PAPPA2: variants seen among roughly 807,000 people sequenced by gnomAD.
The protein encoded by PAPPA2 is pappalysin-2.
In PAPPA2, 86 loss-of-function variants were observed where a neutral mutation model predicts 176.4. That is an observed-to-expected ratio of 0.49 (90% CI 0.41 to 0.58). PAPPA2 has a LOEUF of 0.58. Among genes scored for constraint, PAPPA2 ranks in the 20% least tolerant of loss-of-function variants. PAPPA2 has a pLI of 0.00. For missense variants in PAPPA2, 2,073 were observed against 2,256.9 expected, an observed-to-expected ratio of 0.92 and a Z score of 1.65; for synonymous variants, 809 against 852.2, an observed-to-expected ratio of 0.95 and a Z score of 0.88.
chr1:176,600,503 C>A (rs974681921), intron 3 of PAPPA2, among the ~76,000 whole-genome samples: 1 of 151,344 alleles, frequency 6.6e-6, no homozygotes, highest in Admixed American at 6.6e-5. Flanking sequence ...GGTGAAACCC[C>A]GTCTCTACTA....
chr1:176,769,910 G>A lies in PAPPA2; in HGVS notation c.4501+126G>A, dbSNP rs868754665. Reference sequence around the variant, plus strand: ...TTGCTCCACTGTGTCACCATCTTCTGATAACTCCAGAAAAGTCCCAAAAGG... The same window carrying A: ...TTGCTCCACTGTGTCACCATCTTCTAATAACTCCAGAAAAGTCCCAAAAGG... On this transcript the variant is annotated intron_variant, in intron 16 of 22. Transcript: ENST00000367662. 7.1e-5 allele frequency: 76 copies of A among 1,065,370 alleles called. No individual in the cohort carries two copies. In the African/African-American group the frequency reaches 1.2e-3, roughly 16 times the overall value. 66.0% of individuals were successfully genotyped at this position (1,065,370 alleles called of 1,614,324 possible).
At position 176,690,128 on chromosome 1, in the gene PAPPA2, TC is replaced by T; in HGVS notation, c.2138-8del. On this transcript the variant is annotated splice_polypyrimidine_tract_variant and splice_region_variant and intron_variant, in intron 4 of 22. Coordinates refer to ENST00000367662, the MANE Select transcript of PAPPA2 (RefSeq NM_020318.3). ...TGCTCTGAAAGGCTTTTCAAAACTT[TC>T]ATTGCAGGTGGCATTGTCCTCAGCC... is the stretch of plus-strand genomic sequence containing the variant. 1 of 1,588,526 alleles carries T rather than the reference TC, an allele frequency of 6.3e-7. No homozygotes were observed. The highest frequency in any genetic ancestry group is 8.6e-7 in the Non-Finnish European group (1 of 1,161,908).
At chr1:176,507,468 C>A (rs981537470) in intron 1 of PAPPA2, among the ~76,000 whole-genome samples, 6 of 152,048 alleles carry the variant, frequency 3.9e-5, no homozygotes, top group African/African-American at 1.4e-4. Flanking sequence ...ATCATTATAC[C>A]AAAAAGACAC....
At chr1:176,779,519 CAGAGAG>C (rs565823413) in intron 17 of PAPPA2, among the ~76,000 whole-genome samples, 1 of 102,536 alleles carries the variant, frequency 9.8e-6, no homozygotes, top group African/African-American at 3.4e-5. Flanking sequence ...CACACACACA[CAGAGAG>C]AGAGAGAGAG....
chr1:176,538,557 C>T (rs1229011971), intron 1 of PAPPA2, among the ~76,000 whole-genome samples: 5 of 152,202 alleles, frequency 3.3e-5, no homozygotes, highest in South Asian at 2.1e-4. Context: ...AACAAGGTCT[C>T]ATGATTGCTT....
chr1:176,825,237 C>A (rs1666811738), intron 21 of PAPPA2, among the ~76,000 whole-genome samples: 1 of 152,146 alleles, frequency 6.6e-6, no homozygotes, highest in East Asian at 1.9e-4. Context: ...ATACTTACTT[C>A]ACCCAGGCAG....
intron 1 of PAPPA2, among the ~76,000 whole-genome samples, chr1:176,502,603 A>G (rs928667274): frequency 2.0e-5 from 3 of 152,208 alleles, no homozygotes; most frequent in Non-Finnish European, 2.9e-5. Flanking sequence ...AACAATCACT[A>G]GGTATGTTTC....
At position 176,699,224 on chromosome 1, in the gene PAPPA2, C is replaced by A; in HGVS notation, c.2871C>A (p.Phe957Leu). ...PTEGCSLELL[F>L]QHPVQADTLT... is the part of the protein sequence containing the mutation. ...AAGGCTGTAGCTTGGAGCTGCTCTT[C>A]CAACACCCGGTCCAAGCCGACACCC... Residue 957 changes from phenylalanine (F) to leucine (L), a missense_variant, in exon 8 of 23, where the codon TTC (phenylalanine) becomes TTA (leucine). Physicochemically the swap from Phe to Leu is conservative, Grantham distance 22. This residue lies in a region of PAPPA2 where 1,196 missense variants were observed against 1,330.4 expected (regional missense o/e 0.90). Coordinates refer to ENST00000367662, the MANE Select transcript of PAPPA2 (RefSeq NM_020318.3). The A allele has an allele frequency of 6.2e-7, 1 of 1,614,156 alleles. No individual in the cohort carries two copies. Among genetic ancestry groups the A allele is most frequent in the Non-Finnish European group, 8.5e-7 (1 of 1,180,018 alleles).
intron 21 of PAPPA2, among the ~76,000 whole-genome samples, chr1:176,828,987 C>T (rs1011211147): frequency 2.0e-5 from 3 of 151,450 alleles, no homozygotes; most frequent in Non-Finnish European, 2.9e-5. Context: ...TGGGCAACAA[C>T]GCAAGACTCC....
intron 3 of PAPPA2, among the ~76,000 whole-genome samples, chr1:176,655,844 T>C (rs1008705078): frequency 3.3e-5 from 5 of 151,824 alleles, no homozygotes; most frequent in East Asian, 2.0e-4. Context: ...AATAAAGAAA[T>C]AAAAAGTAAA....
chr1:176,755,322 G>A (rs1471310291), intron 14 of PAPPA2, among the ~76,000 whole-genome samples: 1 of 152,172 alleles, frequency 6.6e-6, no homozygotes, highest in African/African-American at 2.4e-5. Context: ...GAGCTGGATT[G>A]TAAATCCTTA....
chr1:176,502,235 G>A (rs146260514), intron 1 of PAPPA2, among the ~76,000 whole-genome samples: 6 of 152,174 alleles, frequency 3.9e-5, no homozygotes, highest in Non-Finnish European at 7.3e-5. Flanking sequence ...GAATGAGGTG[G>A]TGATGCCCCA....
intron 21 of PAPPA2, among the ~76,000 whole-genome samples, chr1:176,816,258 T>C (rs1002805038): frequency 8.4e-5 from 12 of 142,430 alleles, no homozygotes; most frequent in African/African-American, 2.5e-4. Flanking sequence ...TATATATATG[T>C]ATGTATGTAC....
At chr1:176,650,021 T>C (rs1657624948) in intron 3 of PAPPA2, among the ~76,000 whole-genome samples, 1 of 151,630 alleles carries the variant, frequency 6.6e-6, no homozygotes, top group South Asian at 2.1e-4. Flanking sequence ...TATTATTGTA[T>C]TGCAGTCTTT....
chr1:176,653,000 G>C (rs1292669991), intron 3 of PAPPA2, among the ~76,000 whole-genome samples: 2 of 151,662 alleles, frequency 1.3e-5, no homozygotes, highest in Non-Finnish European at 3.0e-5. Context: ...AGAGGAGTGG[G>C]AGTGAAGCCA....
intron 1 of PAPPA2, among the ~76,000 whole-genome samples, chr1:176,539,300 C>T (rs1045695958): frequency 1.3e-5 from 2 of 152,158 alleles, no homozygotes; most frequent in Non-Finnish European, 2.9e-5. Flanking sequence ...GCCAGAGAGG[C>T]GGTTGCCAGG....
intron 1 of PAPPA2, among the ~76,000 whole-genome samples, chr1:176,531,307 G>A (rs1036461382): frequency 1.3e-5 from 2 of 152,164 alleles, no homozygotes; most frequent in Non-Finnish European, 2.9e-5. Context: ...TCAGTGTATT[G>A]TATCAAAGTC....
rs1021942402 is a variant in PAPPA2, at chr1:176,706,102, G to C, written c.3366-257G>C. On this transcript the variant is annotated intron_variant, in intron 9 of 22. Coordinates refer to ENST00000367662, the MANE Select transcript of PAPPA2 (RefSeq NM_020318.3). ...TCATGGATCTCCTAGATGTTTCTGA[G>C]CCATGAGCTACTTAACTTCAGGAAT... Among the ~76,000 whole-genome samples, 10 of 152,106 alleles carry C rather than the reference G, an allele frequency of 6.6e-5. 1 individual carries two copies. The highest frequency in any genetic ancestry group is 4.1e-4 in the South Asian group (2 of 4,830).
intron 17 of PAPPA2, 81 bp from the exon 18 acceptor site, chr1:176,789,728 A>G: frequency 6.8e-7 from 1 of 1,474,918 alleles, no homozygotes. Context: ...GCTAATTCTT[A>G]TGCCATATTG....
Sources: gnomAD v4.1 joint callset for allele counts (sites outside exome capture counted in the v4.1 genomes callset) on GRCh38, gnomAD v4.1.1 for gene constraint, gnomAD v4.1.1 regional missense constraint, MANE v1.5 for transcripts, NCBI Gene and HGNC (gene_info 2026-07-23, HGNC 2026-07-21) for gene names.